PCDH15: variants seen among roughly 807,000 people sequenced by gnomAD.
PCDH15 encodes the protein protocadherin related 15.
Under a neutral mutation model 178.5 loss-of-function variants are expected in PCDH15, and 129 were observed. The ratio of observed to expected loss-of-function variants is 0.72; its 90% CI spans 0.63 to 0.84. PCDH15 has a LOEUF of 0.84. PCDH15 is among the 40% of genes least tolerant of loss of function. The pLI is 0.00. For missense variants in PCDH15, 2,230 were observed against 2,099.9 expected (o/e 1.06, Z -1.21); for synonymous variants, 800 against 732.0 (o/e 1.09, Z -1.50).
At chr10:54,409,950 AC>A (rs2135606294) in intron 3 of PCDH15, among the ~76,000 whole-genome samples, 1 of 152,214 alleles carries the variant, frequency 6.6e-6, no homozygotes, top group South Asian at 2.1e-4. Flanking sequence ...AGCCTCCAGA[AC>A]CATAAGAAAT....
At chr10:55,415,167 G>T (rs1838447660) in intron 2 of PCDH15, among the ~76,000 whole-genome samples, 1 of 151,458 alleles carries the variant, frequency 6.6e-6, no homozygotes, top group Non-Finnish European at 1.5e-5. Flanking sequence ...TTATTGAAAT[G>T]ATTATGTAGT....
intron 2 of PCDH15, among the ~76,000 whole-genome samples, chr10:55,064,603 G>T (rs1410264894): frequency 6.6e-6 from 1 of 151,646 alleles, no homozygotes; most frequent in East Asian, 1.9e-4. Context: ...TTCACTGAGG[G>T]GATAGCTACT....
chr10:54,192,950 C>A (rs2049181857), intron 11 of PCDH15, among the ~76,000 whole-genome samples: 1 of 152,100 alleles, frequency 6.6e-6, no homozygotes, highest in Non-Finnish European at 1.5e-5. Context: ...GATGACTGGA[C>A]AAGAGGGGGC....
chr10:54,639,742 C>T (rs1255424239), intron 2 of PCDH15, among the ~76,000 whole-genome samples: 1 of 152,036 alleles, frequency 6.6e-6, no homozygotes, highest in East Asian at 1.9e-4. Context: ...GGGAACACCA[C>T]CAAAAGAAAC....
intron 2 of PCDH15, among the ~76,000 whole-genome samples, chr10:55,112,266 T>G (rs926387291): frequency 2.0e-5 from 3 of 152,116 alleles, no homozygotes; most frequent in Admixed American, 1.3e-4. Flanking sequence ...TAAATTGCAT[T>G]AGTACCTTTA....
intron 3 of PCDH15, among the ~76,000 whole-genome samples, chr10:54,449,980 A>T (rs1246249344): frequency 6.6e-6 from 1 of 151,594 alleles, no homozygotes; most frequent in Admixed American, 6.6e-5. Context: ...CAGTATAGAG[A>T]GTTCTTGAAA....
chr10:53,941,499 C>T (rs1192987760), intron 23 of PCDH15, among the ~76,000 whole-genome samples: 1 of 152,130 alleles, frequency 6.6e-6, no homozygotes, highest in Non-Finnish European at 1.5e-5. Flanking sequence ...GGCTTGATTG[C>T]TTATTTCATT....
At chr10:54,779,519 T>G (rs1950149181) in intron 1 of PCDH15, among the ~76,000 whole-genome samples, 1 of 143,806 alleles carries the variant, frequency 7.0e-6, no homozygotes, top group Admixed American at 6.9e-5. Context: ...TGTGTGTATA[T>G]ATATATACAC....
chr10:55,381,929 C>G (rs1837542921), intron 2 of PCDH15, among the ~76,000 whole-genome samples: 1 of 152,060 alleles, frequency 6.6e-6, no homozygotes, highest in African/African-American at 2.4e-5. Flanking sequence ...GAAAAGTTGT[C>G]TGAGAAAGAA....
intron 2 of PCDH15, among the ~76,000 whole-genome samples, chr10:54,905,857 G>C (rs970437199): frequency 2.0e-5 from 3 of 152,006 alleles, no homozygotes; most frequent in African/African-American, 4.8e-5. Context: ...CTTTTCAATA[G>C]GATAAGCCAC....
intron 37 of PCDH15, chr10:53,809,517 CT>C (rs1192243789): frequency 6.2e-7 from 1 of 1,606,808 alleles, no homozygotes; most frequent in South Asian, 1.1e-5. Context: ...TAATTTCAAC[CT>C]TTGGTTTTTT....
At chr10:55,474,150 G>A (rs1840018542) in intron 2 of PCDH15, among the ~76,000 whole-genome samples, 1 of 152,136 alleles carries the variant, frequency 6.6e-6, no homozygotes, top group Non-Finnish European at 1.5e-5. Flanking sequence ...TCAGATGTGT[G>A]TGCATTAACT....
intron 3 of PCDH15, among the ~76,000 whole-genome samples, chr10:54,498,595 A>T (rs2080349110): frequency 6.6e-6 from 1 of 152,316 alleles, no homozygotes; most frequent in African/African-American, 2.4e-5. Context: ...ATGAAGAAAT[A>T]TCTATCAAGG....
intron 2 of PCDH15, among the ~76,000 whole-genome samples, chr10:54,560,469 G>A (rs550245096): frequency 6.6e-6 from 1 of 152,072 alleles, no homozygotes; most frequent in South Asian, 2.1e-4. Context: ...CTCATTAAAA[G>A]AATGCTACAA....
intron 1 of PCDH15, among the ~76,000 whole-genome samples, chr10:55,212,927 T>A (rs1840606730): frequency 6.6e-6 from 1 of 152,118 alleles, no homozygotes; most frequent in Non-Finnish European, 1.5e-5. Context: ...CAGGGAATAG[T>A]TTTTAGTAAA....
chr10:54,557,623 T>C (rs2087474611), intron 2 of PCDH15, among the ~76,000 whole-genome samples: 1 of 152,180 alleles, frequency 6.6e-6, no homozygotes, highest in African/African-American at 2.4e-5. Context: ...CCTGGAGATT[T>C]CATAATACTG....
intron 20 of PCDH15, among the ~76,000 whole-genome samples, chr10:54,003,323 TG>T (rs1229409127): frequency 6.6e-6 from 1 of 152,060 alleles, no homozygotes; most frequent in Non-Finnish European, 1.5e-5. Context: ...ACAGAAAGTT[TG>T]TTTTTTTAAA....
chr10:54,764,002 G>A (rs61429112), intron 1 of PCDH15, among the ~76,000 whole-genome samples: 11,244 of 151,312 alleles, frequency 0.074, 1,401 homozygotes, highest in African/African-American at 0.26. Flanking sequence ...TTTTTTAATC[G>A]ACTCGAAGAA....
At position 55,268,877 on chromosome 10, in the gene PCDH15, G is replaced by T. The variant is rs549859969; in HGVS notation, c.-156+50722C>A. On this transcript the variant is annotated intron_variant, in intron 1 of 5. Transcript: ENST00000458638. ...ACTATTATGGAAAGAAATAAAAGTA[G>T]ATTAGATGGGAGACAAAATCTACTT... 8.5e-4 allele frequency among the ~76,000 whole-genome samples: 129 copies of T among 152,132 alleles called. 2 individuals are homozygous for T. In the South Asian group the frequency reaches 0.027, roughly 32 times the overall value.
Sources: gnomAD v4.1 joint callset for allele counts (sites outside exome capture counted in the v4.1 genomes callset) on GRCh38, gnomAD v4.1.1 for gene constraint, MANE v1.5 for transcripts, NCBI Gene and HGNC (gene_info 2026-07-23, HGNC 2026-07-21) for gene names.